The following SMURF2 variants were observed in gnomAD, a reference collection of about 807,000 sequenced individuals.
SMURF2 encodes the protein E3 ubiquitin-protein ligase SMURF2.
Under a neutral mutation model 109.6 loss-of-function variants are expected in SMURF2, and 48 were observed. That is an observed-to-expected ratio of 0.44 (90% CI 0.35 to 0.56). SMURF2 has a LOEUF of 0.56. Ranked by LOEUF, SMURF2 falls within the 20% of genes least tolerant of loss-of-function variation. The pLI is 0.01. For missense variants in SMURF2, 575 were observed against 909.0 expected (o/e 0.63, Z 4.72); for synonymous variants, 288 against 317.1 (o/e 0.91, Z 0.97).
At chr17:64,627,541 A>C (rs574906718) in intron 1 of SMURF2, among the ~76,000 whole-genome samples, 6 of 152,144 alleles carry the variant, frequency 3.9e-5, no homozygotes, top group Non-Finnish European at 8.8e-5. Context: ...CCACTTTTCA[A>C]AGTATATAGC....
intron 15 of SMURF2, among the ~76,000 whole-genome samples, chr17:64,553,794 T>C (rs1394277035): frequency 6.6e-6 from 1 of 152,238 alleles, no homozygotes; most frequent in Non-Finnish European, 1.5e-5. Flanking sequence ...GAAGGGCACA[T>C]GCTGCTGGTA....
At chr17:64,552,181 G>A (rs1327709675) in intron 15 of SMURF2, among the ~76,000 whole-genome samples, 1 of 152,184 alleles carries the variant, frequency 6.6e-6, no homozygotes, top group Non-Finnish European at 1.5e-5. Context: ...TACCAAAAAT[G>A]AGAAGAATAA....
intron 1 of SMURF2, among the ~76,000 whole-genome samples, chr17:64,629,854 C>A (rs1555691442): frequency 6.6e-6 from 1 of 152,126 alleles, no homozygotes; most frequent in Admixed American, 6.6e-5. Context: ...CTAACAATAC[C>A]TCCTATGACT....
intron 8 of SMURF2, 66 bp downstream of exon 8, chr17:64,580,723 T>G: frequency 6.8e-7 from 1 of 1,473,198 alleles, no homozygotes; most frequent in Non-Finnish European, 9.4e-7. Flanking sequence ...AAAATATATT[T>G]TCTGACTTCC....
At chr17:64,598,979 C>G (rs1301817713) in intron 2 of SMURF2, among the ~76,000 whole-genome samples, 1 of 151,988 alleles carries the variant, frequency 6.6e-6, no homozygotes, top group Non-Finnish European at 1.5e-5. Flanking sequence ...CAGACTGAAA[C>G]AAAAGATGTA....
chr17:64,643,571 A>C (rs1970518451), intron 1 of SMURF2, among the ~76,000 whole-genome samples: 2 of 150,982 alleles, frequency 1.3e-5, no homozygotes, highest in Non-Finnish European at 3.0e-5. Context: ...TCCCACAACT[A>C]CTCTCTCCCT....
At chr17:64,607,404 G>T (rs1969985122) in intron 1 of SMURF2, among the ~76,000 whole-genome samples, 1 of 152,028 alleles carries the variant, frequency 6.6e-6, no homozygotes, top group Non-Finnish European at 1.5e-5. Flanking sequence ...GAGGCGGGCG[G>T]ATCACAATGT....
intron 1 of SMURF2, among the ~76,000 whole-genome samples, chr17:64,618,942 T>C (rs555324312): frequency 2.0e-5 from 3 of 152,318 alleles, no homozygotes; most frequent in Non-Finnish European, 2.9e-5. Flanking sequence ...CTATCCCTTA[T>C]GAACTTGTGA....
intron 10 of SMURF2, among the ~76,000 whole-genome samples, chr17:64,563,779 A>T (rs1305629417): frequency 3.9e-5 from 6 of 152,190 alleles, no homozygotes; most frequent in Non-Finnish European, 8.8e-5. Flanking sequence ...ATCCATTTTT[A>T]AATTTTTTTT....
intron 1 of SMURF2, among the ~76,000 whole-genome samples, chr17:64,608,281 T>G (rs1033686394): frequency 1.3e-5 from 2 of 152,092 alleles, no homozygotes; most frequent in Admixed American, 6.5e-5. Flanking sequence ...ATATAACTAA[T>G]CACTCTAAGG....
At chr17:64,578,637 A>T in intron 8 of SMURF2, 61 bp from the exon 9 acceptor site, 1 of 1,077,452 alleles carries the variant, frequency 9.3e-7, no homozygotes, top group Non-Finnish European at 1.4e-6. Flanking sequence ...AAAGACAGTT[A>T]TATACACTAA....
intron 8 of SMURF2, 108 bp from the exon 9 acceptor site, chr17:64,578,684 A>C (rs1969534196): frequency 6.0e-6 from 4 of 668,410 alleles, no homozygotes; most frequent in East Asian, 5.6e-5. Flanking sequence ...CCAAATTACC[A>C]ATCTATTTTA....
chr17:64,647,935 T>TATA (rs782723119), intron 1 of SMURF2, among the ~76,000 whole-genome samples: 2 of 151,208 alleles, frequency 1.3e-5, no homozygotes, highest in Non-Finnish European at 2.9e-5. Context: ...GAGCAACTAT[T>TATA]GTCCTAGCTA....
At chr17:64,589,495 TG>T (rs1969719710) in intron 5 of SMURF2, among the ~76,000 whole-genome samples, 1 of 149,634 alleles carries the variant, frequency 6.7e-6, no homozygotes, top group East Asian at 2.0e-4. Context: ...CATGGATGGG[TG>T]GGGTATTGGT....
intron 7 of SMURF2, among the ~76,000 whole-genome samples, chr17:64,582,630 G>T (rs781909580): frequency 6.6e-6 from 1 of 151,836 alleles, no homozygotes; most frequent in Non-Finnish European, 1.5e-5. Flanking sequence ...ACTGAGTCTC[G>T]CTCTATCGCC....
At chr17:64,576,873 CTTTTT>C (rs782057854) in intron 9 of SMURF2, among the ~76,000 whole-genome samples, 4 of 81,504 alleles carry the variant, frequency 4.9e-5, no homozygotes, top group African/African-American at 2.4e-4. Context: ...TTTTTCTATC[CTTTTT>C]TTTTTTTTTT....
rs1555683055 is a variant in SMURF2, at chr17:64,545,881, G to A, written c.2214C>T (p.Ala738=). The A allele has an allele frequency of 1.2e-6, 2 of 1,611,242 alleles. No individual in the cohort carries two copies. The highest frequency in any genetic ancestry group is 1.7e-5 in the Admixed American group (1 of 60,018). The change falls in exon 19 of 19, where the codon GCC becomes GCT. Residue 738 remains alanine, a synonymous_variant. Coordinates refer to ENST00000262435, the MANE Select transcript of SMURF2 (RefSeq NM_022739.4). ...CAGCAAATCCACATGTTTCTTCAATGGCTGTTAGCAGCTTTTCATATAGCT... is the reference window on the plus strand; with the variant it reads ...CAGCAAATCCACATGTTTCTTCAATAGCTGTTAGCAGCTTTTCATATAGCT... ...YEKLYEKLLT[A]IEETCGFAVE
In SMURF2 at chr17:64,662,139, T is replaced by C. The variant is rs1970792263; in HGVS notation, c.-259A>G. The C allele has an allele frequency of 2.9e-6, 3 of 1,024,732 alleles. No individual in the cohort carries two copies. The highest frequency in any genetic ancestry group is 1.8e-5 in the African/African-American group (1 of 57,134). The allele number at this position is 1,024,732 out of a possible 1,614,324, so 63.5% of individuals were successfully genotyped here. ...GGCAGCCGCGGCCGCCCGCGCCGCCTCCGCCCGCGCCCCCGCCGCCTCCTC... is the reference window on the plus strand; with the variant it reads ...GGCAGCCGCGGCCGCCCGCGCCGCCCCCGCCCGCGCCCCCGCCGCCTCCTC... On this transcript the variant is annotated 5_prime_UTR_variant, in exon 1 of 19. Transcript: ENST00000262435.
intron 1 of SMURF2, among the ~76,000 whole-genome samples, chr17:64,627,111 C>CTTTTTTTTTTTTT (rs1204553792): frequency 8.3e-6 from 1 of 120,130 alleles, no homozygotes; most frequent in Admixed American, 9.1e-5. Context: ...AGTTTTTTTC[C>CTTTTTTTTTTTTT]TTTTTTTTTT....
Sources: gnomAD v4.1 joint callset for allele counts (sites outside exome capture counted in the v4.1 genomes callset) on GRCh38, gnomAD v4.1.1 for gene constraint, MANE v1.5 for transcripts, NCBI Gene and HGNC (gene_info 2026-07-23, HGNC 2026-07-21) for gene names.